CCNJ: variants seen among roughly 807,000 people sequenced by gnomAD.
The protein encoded by CCNJ is cyclin J, also known as cyclin-J.
In CCNJ, 12 loss-of-function variants were observed where a neutral mutation model predicts 41.4. That is an observed-to-expected ratio of 0.29 (90% CI 0.19 to 0.47). CCNJ has a LOEUF of 0.47. Among genes scored for constraint, CCNJ ranks in the 20% least tolerant of loss-of-function variants. CCNJ has a pLI of 1.00. For synonymous variants in CCNJ, 161 were observed against 173.4 expected (o/e 0.93, Z 0.56); for missense variants, 340 against 464.6 (o/e 0.73, Z 2.47).
chr10:96,043,302 G>T (rs1207694560), upstream of CCNJ: 3 of 295,710 alleles, frequency 1.0e-5, no homozygotes, highest in East Asian at 1.7e-4. Flanking sequence ...GCTCTCTGCC[G>T]ACCTCAGCCG....
chr10:96,053,118 G>T (rs2080575837), intron 3 of CCNJ, among the ~76,000 whole-genome samples: 1 of 152,156 alleles, frequency 6.6e-6, no homozygotes, highest in South Asian at 2.1e-4. Flanking sequence ...GCCAAAGATG[G>T]AGCATACCTT....
At chr10:96,052,812 T>C (rs2080566254) in intron 3 of CCNJ, among the ~76,000 whole-genome samples, 1 of 152,198 alleles carries the variant, frequency 6.6e-6, no homozygotes, top group Non-Finnish European at 1.5e-5. Context: ...GCTTTTACAT[T>C]CTTCCTTTTG....
intron 3 of CCNJ, among the ~76,000 whole-genome samples, chr10:96,052,493 G>A (rs139362046): frequency 1.3e-4 from 20 of 152,306 alleles, no homozygotes; most frequent in African/African-American, 4.1e-4. Context: ...AAAGTGTAGC[G>A]TGGGCCAAGT....
At chr10:96,045,959 G>A (rs2080351288) in intron 2 of CCNJ, among the ~76,000 whole-genome samples, 2 of 152,118 alleles carry the variant, frequency 1.3e-5, no homozygotes, top group African/African-American at 4.8e-5. Context: ...TAATTGGCAT[G>A]AAACTTAAAA....
At position 96,043,638 on chromosome 10, in the gene CCNJ, G is replaced by A. The variant is rs1228092076; in HGVS notation, c.-123G>A. On this transcript the variant is annotated 5_prime_UTR_variant, in exon 1 of 6. Transcript: ENST00000465148. ...GGGCTCTAGCTGAGGCCGGCGCTTA[G>A]CGGCCCACTGTCCGCAGCATGAGCG... The A allele has an allele frequency of 2.5e-6, 1 of 394,978 alleles. No individual in the cohort carries two copies. The highest frequency in any genetic ancestry group is 3.6e-5 in the East Asian group (1 of 27,844). 24.5% of individuals were successfully genotyped at this position (394,978 alleles called of 1,614,324 possible).
Position 96,057,817 on chromosome 10 carries a change from C to T in CCNJ, c.741-13C>T. ...CAGTATTTTTAATAGTTTCCTTTCT[C>T]TCCACGTTTCAGCGCTCATGATAAT... On this transcript the variant is annotated splice_polypyrimidine_tract_variant and intron_variant, in intron 5 of 5. Coordinates refer to ENST00000465148, the MANE Select transcript of CCNJ (RefSeq NM_001134375.2). 2.5e-6 allele frequency: 4 copies of T among 1,607,172 alleles called. No individual in the cohort carries two copies. The highest frequency in any genetic ancestry group is 3.4e-6 in the Non-Finnish European group (4 of 1,175,590).
In CCNJ at chr10:96,058,975, T is replaced by G. The variant is rs2080763810; in HGVS notation, c.*734T>G. Reference sequence around the variant, plus strand: ...TTTAACTCAGGGAATTTGTACTACTTGGAAACACTTAACTGTAATGCAACA... The same window carrying G: ...TTTAACTCAGGGAATTTGTACTACTGGGAAACACTTAACTGTAATGCAACA... On this transcript the variant is annotated 3_prime_UTR_variant, in exon 6 of 6. Coordinates refer to ENST00000465148, the MANE Select transcript of CCNJ (RefSeq NM_001134375.2). 6.5e-6 allele frequency: 1 copy of G among 152,980 alleles called. No homozygotes were observed. The highest frequency in any genetic ancestry group is 2.1e-4 in the South Asian group (1 of 4,844). 9.5% of individuals were successfully genotyped at this position (152,980 alleles called of 1,614,324 possible). A position where few individuals can be genotyped will look rare whatever the true frequency, so the allele number is the denominator to read the frequency against.
At chr10:96,051,610 G>A (rs1351248502) in intron 3 of CCNJ, among the ~76,000 whole-genome samples, 2 of 152,134 alleles carry the variant, frequency 1.3e-5, no homozygotes, top group East Asian at 1.9e-4. Context: ...AGGTTTTGGG[G>A]TCAAATATGG....
intron 2 of CCNJ, among the ~76,000 whole-genome samples, chr10:96,046,330 A>G (rs1382224850): frequency 6.6e-6 from 1 of 152,256 alleles, no homozygotes; most frequent in Non-Finnish European, 1.5e-5. Context: ...ACTTTATACA[A>G]GAATTTACAT....
intron 3 of CCNJ, among the ~76,000 whole-genome samples, chr10:96,050,886 A>G (rs1190329894): frequency 6.6e-6 from 1 of 152,234 alleles, no homozygotes; most frequent in African/African-American, 2.4e-5. Flanking sequence ...TGGTTGTCAC[A>G]TCTGGTGATA....
In CCNJ at chr10:96,050,131, C is replaced by T. The variant is rs566218048; in HGVS notation, c.70-125C>T. On this transcript the variant is annotated intron_variant, in intron 2 of 5. Transcript: ENST00000465148. The stretch of plus-strand genomic sequence containing the variant: ...ACTTAACTTTTTCATTTTTGTATTC[C>T]AGTCAAGAAAAGTATGTTTTAGGCA... 76 of 700,320 alleles carry T rather than the reference C, an allele frequency of 1.1e-4. No homozygotes were observed. The South Asian group carries it at 1.3e-3, about 12-fold the overall frequency. The allele number at this position is 700,320 out of a possible 1,614,324, so 43.4% of individuals were successfully genotyped here.
In CCNJ at chr10:96,058,945, A is replaced by G. The variant is rs1184953502; in HGVS notation, c.*704A>G. The stretch of plus-strand genomic sequence containing the variant: ...TCAACATCAAATTTTTAGAATTAAA[A>G]TACATTTAACTCAGGGAATTTGTAC... On this transcript the variant is annotated 3_prime_UTR_variant, in exon 6 of 6. Coordinates refer to ENST00000465148, the MANE Select transcript of CCNJ (RefSeq NM_001134375.2). The G allele has an allele frequency of 6.5e-6, 1 of 153,912 alleles. No individual in the cohort carries two copies. Among genetic ancestry groups the G allele is most frequent in the Non-Finnish European group, 1.5e-5 (1 of 68,952 alleles). 9.5% of individuals were successfully genotyped at this position (153,912 alleles called of 1,614,324 possible).
intron 3 of CCNJ, among the ~76,000 whole-genome samples, chr10:96,055,102 T>C (rs1159489329): frequency 6.6e-6 from 1 of 152,236 alleles, no homozygotes; most frequent in Non-Finnish European, 1.5e-5. Flanking sequence ...CTTTCAACTT[T>C]AAGTATTTGC....
intron 3 of CCNJ, 84 bp from the exon 4 acceptor site, chr10:96,056,617 C>G (rs1251149048): frequency 2.0e-6 from 2 of 978,160 alleles, no homozygotes; most frequent in Non-Finnish European, 3.1e-6. Context: ...GGCAATAAGA[C>G]AGCAAATCCC....
chr10:96,050,118 C>T, intron 2 of CCNJ, 138 bp from the exon 3 acceptor site: 1 of 680,146 alleles, frequency 1.5e-6, no homozygotes, highest in South Asian at 1.9e-5. Flanking sequence ...TTAACTTTTT[C>T]ATTTTTGTAT....
In CCNJ at chr10:96,058,416, A is replaced by G. The variant is rs1047752957; in HGVS notation, c.*175A>G. 4 of 568,732 alleles carry G rather than the reference A, an allele frequency of 7.0e-6. No homozygotes were observed. The highest frequency in any genetic ancestry group is 1.2e-5 in the Non-Finnish European group (4 of 322,082). The allele number at this position is 568,732 out of a possible 1,614,324, so 35.2% of individuals were successfully genotyped here. A position where few individuals can be genotyped will look rare whatever the true frequency, so the allele number is the denominator to read the frequency against. On this transcript the variant is annotated 3_prime_UTR_variant, in exon 6 of 6. Transcript: ENST00000465148. ...AATGCACCATGAATCCTGGGAGACT[A>G]AGCAAATTAACAGTATGTCAAATTC...
intron 2 of CCNJ, among the ~76,000 whole-genome samples, chr10:96,045,419 G>A (rs1045201744): frequency 6.6e-6 from 1 of 152,226 alleles, no homozygotes; most frequent in Non-Finnish European, 1.5e-5. Flanking sequence ...GAATGATAAT[G>A]AACTTTTATC....
chr10:96,057,901 G>A lies in CCNJ; in HGVS notation c.812G>A (p.Ser271Asn). 6.2e-7 allele frequency: 1 copy of A among 1,614,224 alleles called. No homozygotes were observed. The highest frequency in any genetic ancestry group is 8.5e-7 in the Non-Finnish European group (1 of 1,180,032). Residue 271 changes from serine (S) to asparagine (N), a missense_variant, in exon 6 of 6, where the codon AGT becomes AAT. Ser to Asn is a conservative substitution (Grantham distance 46). Coordinates refer to ENST00000465148, the MANE Select transcript of CCNJ (RefSeq NM_001134375.2). The part of the protein sequence containing the change: ...GQAGPQSAQL[S>N]VFQTASQPSR... ...GCAGGACCTCAGTCAGCGCAACTAAGTGTATTCCAGACAGCCTCCCAGCCA... is the reference window on the plus strand; with the variant it reads ...GCAGGACCTCAGTCAGCGCAACTAAATGTATTCCAGACAGCCTCCCAGCCA...
chr10:96,050,317 C>G lies in CCNJ; in HGVS notation c.131C>G (p.Ala44Gly). The change falls in exon 3 of 6, where the codon GCT becomes GGT. Residue 44 changes from alanine to glycine, a missense_variant. Physicochemically the swap from Ala to Gly is moderately conservative, Grantham distance 60. Around this residue, in one of 3 missense-constraint regions of CCNJ, gnomAD observed 137 missense variants for 252.9 expected, o/e 0.54. Transcript: ENST00000465148. ...CAGTTAAGTCTCAGACGGTATTTTG[C>G]TGACTTGATTGCCATTGTGAGCAAT... ...SPQLSLRRYF[A>G]DLIAIVSNRF... The G allele has an allele frequency of 6.2e-7, 1 of 1,614,098 alleles. No individual in the cohort carries two copies. The highest frequency in any genetic ancestry group is 8.5e-7 in the Non-Finnish European group (1 of 1,180,008).
Sources: gnomAD v4.1 joint callset for allele counts (sites outside exome capture counted in the v4.1 genomes callset) on GRCh38, gnomAD v4.1.1 for gene constraint, gnomAD v4.1.1 regional missense constraint, MANE v1.5 for transcripts, NCBI Gene and HGNC (gene_info 2026-07-23, HGNC 2026-07-21) for gene names.